The following ATAD2B variants were observed in gnomAD, a reference collection of about 807,000 sequenced individuals.
The protein encoded by ATAD2B is ATPase family AAA domain-containing protein 2B.
ATAD2B carries 40 observed loss-of-function variants against 167.6 expected under a neutral mutation model. That is an observed-to-expected ratio of 0.24 (90% CI 0.19 to 0.31). The LOEUF (loss-of-function observed/expected upper bound fraction) is 0.31. Ranked by LOEUF, ATAD2B falls within the 10% of genes least tolerant of loss-of-function variation. The pLI, the probability that ATAD2B is intolerant of heterozygous loss-of-function variation, is 1.00. For missense variants in ATAD2B, 1,242 were observed against 1,757.2 expected, an observed-to-expected ratio of 0.71 and a Z score of 5.24; for synonymous variants, 579 against 596.5, an observed-to-expected ratio of 0.97 and a Z score of 0.43.
intron 20 of ATAD2B, among the ~76,000 whole-genome samples, chr2:23,786,625 C>T (rs543060994): frequency 6.6e-6 from 1 of 152,062 alleles, no homozygotes; most frequent in South Asian, 2.1e-4. Context: ...TGCAGTCCAT[C>T]GTTGACCAAA....
In ATAD2B at chr2:23,752,021, G is replaced by C. The variant is rs372341354; in HGVS notation, c.*25C>G. ...TGCTCTGTGAGGAGCAGATTGGAGA[G>C]GATAAACCACTCATCTTGAAAAGTT... On this transcript the variant is annotated 3_prime_UTR_variant, in exon 28 of 28. Transcript: ENST00000238789. 2 of 1,540,536 alleles carry C rather than the reference G, an allele frequency of 1.3e-6. No individual in the cohort carries two copies. Among genetic ancestry groups the C allele is most frequent in the East Asian group, 2.4e-5 (1 of 42,070 alleles).
chr2:23,738,753 G>A, the ATAD2B span, among the ~76,000 whole-genome samples: 6 of 152,258 alleles, frequency 3.9e-5, no homozygotes, highest in Non-Finnish European at 5.9e-5. Context: ...ACACAGACTG[G>A]CAAATTGGAT....
intron 15 of ATAD2B, among the ~76,000 whole-genome samples, chr2:23,826,550 TGCTATTAAGCTA>T (rs1163576240): frequency 2.0e-5 from 3 of 152,218 alleles, no homozygotes; most frequent in African/African-American, 7.2e-5. Flanking sequence ...TCCTGAATAC[TGCTATTAAGCTA>T]GAAATTGTTC....
intron 1 of ATAD2B, among the ~76,000 whole-genome samples, chr2:23,909,727 T>C (rs756589435): frequency 4.6e-5 from 7 of 152,166 alleles, no homozygotes; most frequent in African/African-American, 9.6e-5. Flanking sequence ...ATTTGAAATA[T>C]TTATTTCATC....
chr2:23,882,548 C>A (rs1412169869), intron 6 of ATAD2B, among the ~76,000 whole-genome samples: 1 of 149,802 alleles, frequency 6.7e-6, no homozygotes, highest in Admixed American at 6.7e-5. Flanking sequence ...GTGGCTCATG[C>A]CTATAATCCC....
intron 22 of ATAD2B, among the ~76,000 whole-genome samples, chr2:23,779,337 C>T (rs938935389): frequency 1.3e-5 from 2 of 151,552 alleles, no homozygotes; most frequent in Non-Finnish European, 2.9e-5. Flanking sequence ...CACCACGCCT[C>T]GCTAATTTTT....
At position 23,828,881 on chromosome 2, in the gene ATAD2B, G is replaced by A; in HGVS notation, c.1787C>T (p.Ala596Val). The change falls in exon 15 of 28, where the codon GCA becomes GTA. Residue 596 changes from alanine (A) to valine (V), a missense_variant. By Grantham distance (64) the Ala-to-Val change is moderately conservative. Coordinates refer to ENST00000238789, the MANE Select transcript of ATAD2B (RefSeq NM_017552.4). ...TTTTTCAGCCAATTCACCTAAAAATGCATCTGACAATTTTGGATTCCAGTC... is the reference window on the plus strand; with the variant it reads ...TTTTTCAGCCAATTCACCTAAAAATACATCTGACAATTTTGGATTCCAGTC... Reference protein sequence around the residue: ...TRDWNPKLSDAFLGELAEKCV... With the variant: ...TRDWNPKLSDVFLGELAEKCV... The A allele has an allele frequency of 6.2e-7, 1 of 1,610,868 alleles. No individual in the cohort carries two copies. Among genetic ancestry groups the A allele is most frequent in the Non-Finnish European group, 8.5e-7 (1 of 1,178,434 alleles).
chr2:23,811,583 A>C (rs1042116101), intron 17 of ATAD2B: 3 of 152,106 alleles, frequency 2.0e-5, no homozygotes, highest in African/African-American at 7.2e-5. Context: ...AACATCACAC[A>C]CCGGGGCCTG....
At chr2:23,739,224 C>T in the ATAD2B span, among the ~76,000 whole-genome samples, 1 of 152,312 alleles carries the variant, frequency 6.6e-6, no homozygotes, top group South Asian at 2.1e-4. Context: ...CAGAACTCTC[C>T]ACCCCAAATC....
chr2:23,878,716 ATT>A (rs1296820325), intron 7 of ATAD2B, among the ~76,000 whole-genome samples: 1 of 151,710 alleles, frequency 6.6e-6, no homozygotes, highest in African/African-American at 2.4e-5. Context: ...AAAAGATACT[ATT>A]GAGAGAATAA....
intron 18 of ATAD2B, among the ~76,000 whole-genome samples, chr2:23,800,794 C>A (rs761500615): frequency 4.0e-5 from 6 of 151,638 alleles, no homozygotes; most frequent in Non-Finnish European, 8.8e-5. Flanking sequence ...ACTTCCAAAG[C>A]CTTTAGGAAA....
chr2:23,900,513 G>C lies in ATAD2B; in HGVS notation c.217-4543C>G, dbSNP rs181858149. Among the ~76,000 whole-genome samples, 170 of 152,296 alleles carry C rather than the reference G, an allele frequency of 1.1e-3. 1 individual carries two copies. Among genetic ancestry groups the C allele is most frequent in the African/African-American group, 4.0e-3 (166 of 41,564 alleles). On this transcript the variant is annotated intron_variant, in intron 1 of 27. Coordinates refer to ENST00000238789, the MANE Select transcript of ATAD2B (RefSeq NM_017552.4). ...TCTGGTCTGTGAACCAACAACATGGGCATGATCTATTTGGAAGCTCATTAG... is the reference window on the plus strand; with the variant it reads ...TCTGGTCTGTGAACCAACAACATGGCCATGATCTATTTGGAAGCTCATTAG...
At position 23,887,816 on chromosome 2, in the gene ATAD2B, T is replaced by C. The variant is rs1052689588; in HGVS notation, c.572+16A>G. On this transcript the variant is annotated intron_variant, in intron 4 of 27. Transcript: ENST00000238789. Reference sequence around the variant, plus strand: ...CAAATAATTAAATGAAACTGCTTAATACTTGGCATTCATACCTATTTACTA... The same window carrying C: ...CAAATAATTAAATGAAACTGCTTAACACTTGGCATTCATACCTATTTACTA... 32 of 1,563,292 alleles carry C rather than the reference T, an allele frequency of 2.0e-5. No homozygotes were observed. The highest frequency in any genetic ancestry group is 2.7e-5 in the Non-Finnish European group (31 of 1,159,992).
At chr2:23,848,820 G>A (rs546406290) in intron 13 of ATAD2B, among the ~76,000 whole-genome samples, 2 of 152,228 alleles carry the variant, frequency 1.3e-5, no homozygotes, top group Admixed American at 1.3e-4. Context: ...CACACTAAAT[G>A]TATAAGTGTC....
intron 1 of ATAD2B, among the ~76,000 whole-genome samples, chr2:23,908,840 A>G (rs1339719421): frequency 6.6e-6 from 1 of 151,936 alleles, no homozygotes; most frequent in Non-Finnish European, 1.5e-5. Context: ...CTTTGTAGGG[A>G]TATGGATGAA....
chr2:23,726,451 T>C, the ATAD2B span, among the ~76,000 whole-genome samples: 7 of 152,176 alleles, frequency 4.6e-5, no homozygotes, highest in African/African-American at 7.2e-5. Context: ...AAGAAAATAA[T>C]AATGAAGAGA....
intron 19 of ATAD2B, among the ~76,000 whole-genome samples, chr2:23,797,147 A>G (rs1682753914): frequency 6.6e-6 from 1 of 152,178 alleles, no homozygotes; most frequent in Non-Finnish European, 1.5e-5. Flanking sequence ...CACTTTAACC[A>G]TAAAATTCTA....
intron 7 of ATAD2B, among the ~76,000 whole-genome samples, chr2:23,880,085 T>G (rs1355130914): frequency 6.7e-6 from 1 of 150,248 alleles, no homozygotes; most frequent in African/African-American, 2.4e-5. Context: ...GAGAGAGAGA[T>G]ACTTTCCCTA....
intron 12 of ATAD2B, among the ~76,000 whole-genome samples, chr2:23,862,770 TACTTA>T (rs139282848): frequency 0.026 from 3,972 of 152,284 alleles, 172 homozygotes; most frequent in African/African-American, 0.091. Context: ...CTTGCACAGA[TACTTA>T]AGTTTTTATG....
Sources: allele counts gnomAD v4.1 joint callset (sites outside exome capture counted in the v4.1 genomes callset), GRCh38; gene constraint gnomAD v4.1.1; transcripts MANE v1.5; gene names NCBI Gene and HGNC (gene_info 2026-07-23, HGNC 2026-07-21).